The following TTLL7 variants were observed in gnomAD, a reference collection of about 807,000 sequenced individuals.
TTLL7 encodes tubulin polyglutamylase TTLL7.
TTLL7 carries 53 observed loss-of-function variants against 120.2 expected under a neutral mutation model. The observed-to-expected ratio is 0.44, with a 90% CI of 0.35 to 0.55. TTLL7 has a LOEUF of 0.55. TTLL7 is among the 20% of genes least tolerant of loss of function. The probability of loss-of-function intolerance (pLI) is 0.00; values close to 1 mark genes in which losing one functional copy is unlikely to be tolerated. For synonymous variants in TTLL7, 353 were observed against 351.7 expected (o/e 1.00, Z -0.04); for missense variants, 803 against 1,054.7 (o/e 0.76, Z 3.31).
intron 19 of TTLL7, among the ~76,000 whole-genome samples, chr1:83,883,853 A>T (rs774706851): frequency 6.6e-5 from 10 of 151,962 alleles, no homozygotes; most frequent in Non-Finnish European, 1.3e-4. Context: ...ACTTTCAGAC[A>T]TAACTATATC....
At chr1:83,962,292 G>A (rs1650081988) in intron 1 of TTLL7, among the ~76,000 whole-genome samples, 1 of 152,004 alleles carries the variant, frequency 6.6e-6, no homozygotes, top group Non-Finnish European at 1.5e-5. Context: ...ATCACTAATA[G>A]CCAAACATCT....
chr1:83,880,391 A>C (rs1020503260), intron 20 of TTLL7: 1 of 152,126 alleles, frequency 6.6e-6, no homozygotes, highest in Non-Finnish European at 1.5e-5. Context: ...ACAAACAAAA[A>C]TTTAAAATAT....
intron 10 of TTLL7, among the ~76,000 whole-genome samples, chr1:83,922,741 T>C (rs1415357812): frequency 1.4e-5 from 2 of 140,502 alleles, no homozygotes; most frequent in African/African-American, 2.8e-5. Flanking sequence ...AAGGAGAACA[T>C]AAATTTTTAA....
intron 1 of TTLL7, among the ~76,000 whole-genome samples, chr1:83,977,478 G>A (rs982858834): frequency 3.3e-5 from 5 of 151,468 alleles, no homozygotes; most frequent in African/African-American, 4.9e-5. Context: ...TTCAAATTGT[G>A]GGCCTAAATC....
chr1:83,944,362 C>T (rs945693904), intron 6 of TTLL7, among the ~76,000 whole-genome samples: 1 of 152,134 alleles, frequency 6.6e-6, no homozygotes, highest in Non-Finnish European at 1.5e-5. Context: ...ACATTATATA[C>T]ATTATAATCA....
At chr1:83,894,133 A>G (rs1482348491) in intron 18 of TTLL7, among the ~76,000 whole-genome samples, 1 of 152,116 alleles carries the variant, frequency 6.6e-6, no homozygotes, top group Non-Finnish European at 1.5e-5. Flanking sequence ...TAAATGATAA[A>G]TTTAAATCAT....
At chr1:83,950,998 C>G (rs981207120) in intron 3 of TTLL7, among the ~76,000 whole-genome samples, 10 of 152,146 alleles carry the variant, frequency 6.6e-5, no homozygotes, top group African/African-American at 2.4e-4. Context: ...CCTGCAGCAT[C>G]TCAAAGATAC....
chr1:83,915,340 G>T (rs1235776983), intron 14 of TTLL7, among the ~76,000 whole-genome samples: 1 of 152,002 alleles, frequency 6.6e-6, no homozygotes, highest in African/African-American at 2.4e-5. Flanking sequence ...TAATGCCGCA[G>T]GTCTACAACT....
At chr1:83,892,891 G>T (rs940180995) in intron 18 of TTLL7, among the ~76,000 whole-genome samples, 3 of 103,378 alleles carry the variant, frequency 2.9e-5, no homozygotes, top group Non-Finnish European at 6.1e-5. Context: ...CAAAAAGAGA[G>T]AAAGAGAAAG....
At chr1:83,978,741 C>A (rs189566459) in intron 1 of TTLL7, among the ~76,000 whole-genome samples, 70 of 152,152 alleles carry the variant, frequency 4.6e-4, no homozygotes, top group African/African-American at 1.6e-3. Flanking sequence ...AGAATGATAG[C>A]AGAGCATATA....
At chr1:83,988,533 C>A (rs113123705) in intron 1 of TTLL7, among the ~76,000 whole-genome samples, 8 of 152,268 alleles carry the variant, frequency 5.3e-5, no homozygotes, top group African/African-American at 1.9e-4. Flanking sequence ...TTCTCTGCAG[C>A]CTTGCTGGCA....
chr1:83,909,269 CTTTTTT>C (rs71582911), intron 15 of TTLL7, among the ~76,000 whole-genome samples: 19 of 99,292 alleles, frequency 1.9e-4, no homozygotes, highest in Non-Finnish European at 2.8e-4. Flanking sequence ...TTTTTTTTTC[CTTTTTT>C]TTTTTTTTTT....
At position 83,909,193 on chromosome 1, in the gene TTLL7, G is replaced by A. The variant is rs942116636; in HGVS notation, c.1787-1532C>T. 3.4e-5 allele frequency among the ~76,000 whole-genome samples: 5 copies of A among 147,772 alleles called. No homozygotes were observed. In the East Asian group the frequency reaches 6.0e-4, roughly 18 times the overall value. On this transcript the variant is annotated intron_variant, in intron 15 of 20. Coordinates refer to ENST00000260505, the MANE Select transcript of TTLL7 (RefSeq NM_024686.6). The stretch of plus-strand genomic sequence containing the variant: ...TTTGAGGGGTTATGGTAATGGTTTG[G>A]TTGTATATAACCTGATCACTGGGCA...
At chr1:83,908,287 C>T (rs892981834) in intron 15 of TTLL7, among the ~76,000 whole-genome samples, 2 of 151,438 alleles carry the variant, frequency 1.3e-5, no homozygotes, top group African/African-American at 4.9e-5. Flanking sequence ...GAAAGGCATA[C>T]AGGCTAAATA....
chr1:83,906,639 C>A (rs1228787005), intron 16 of TTLL7, 176 bp from the exon 17 acceptor site: 8 of 774,652 alleles, frequency 1.0e-5, no homozygotes, highest in Non-Finnish European at 1.6e-5. Context: ...GGATATGAAT[C>A]CCAAGAGTGT....
intron 1 of TTLL7, among the ~76,000 whole-genome samples, chr1:83,995,100 A>G (rs2100658735): frequency 1.3e-5 from 2 of 152,274 alleles, no homozygotes. Context: ...CCTTTCTCCC[A>G]GTCTCCATGA....
At chr1:83,962,309 T>C (rs1044814760) in intron 1 of TTLL7, among the ~76,000 whole-genome samples, 6 of 152,254 alleles carry the variant, frequency 3.9e-5, no homozygotes, top group Admixed American at 6.5e-5. Flanking sequence ...ATCTAAGAGA[T>C]AGATACATCA....
intron 1 of TTLL7, 27 bp downstream of exon 1, chr1:83,998,904 G>C (rs1358753030): frequency 5.3e-6 from 2 of 378,930 alleles, no homozygotes; most frequent in Non-Finnish European, 1.1e-5. Context: ...AGGGGGTCGG[G>C]GGAGGATGGC....
At chr1:83,886,406 C>T in intron 19 of TTLL7, among the ~76,000 whole-genome samples, 1 of 152,074 alleles carries the variant, frequency 6.6e-6, no homozygotes, top group East Asian at 1.9e-4. Context: ...TACATACCAA[C>T]ACAGTAATCA....
Sources: allele counts gnomAD v4.1 joint callset (sites outside exome capture counted in the v4.1 genomes callset), GRCh38; gene constraint gnomAD v4.1.1; transcripts MANE v1.5; gene names NCBI Gene and HGNC (gene_info 2026-07-23, HGNC 2026-07-21).